Variants in GABRB1 observed in about 807,000 individuals in gnomAD.
The protein encoded by GABRB1 is gamma-aminobutyric acid receptor subunit beta-1.
In GABRB1, 17 loss-of-function variants were observed where a neutral mutation model predicts 51.6. The observed-to-expected ratio is 0.33, with a 90% confidence interval of 0.23 to 0.49. The LOEUF is 0.49. Ranked by LOEUF, GABRB1 falls within the 20% of genes least tolerant of loss-of-function variation. The pLI, the probability that GABRB1 is intolerant of heterozygous loss-of-function variation, is 0.99. For missense variants in GABRB1, 410 were observed against 600.6 expected (o/e 0.68, Z 3.32); for synonymous variants, 247 against 218.9 (o/e 1.13, Z -1.14).
chr4:47,146,726 G>T (rs1310900334), intron 3 of GABRB1, among the ~76,000 whole-genome samples: 5 of 152,014 alleles, frequency 3.3e-5, no homozygotes, highest in African/African-American at 7.2e-5. Context: ...AGACAGAAGA[G>T]CTCACTTTCT....
At chr4:46,994,909 T>G (rs574619084) in intron 1 of GABRB1, among the ~76,000 whole-genome samples, 2 of 152,278 alleles carry the variant, frequency 1.3e-5, no homozygotes, top group East Asian at 3.9e-4. Flanking sequence ...TTTGGTTTTT[T>G]TGTGTGTTTT....
intron 3 of GABRB1, among the ~76,000 whole-genome samples, chr4:47,072,208 T>C (rs1393203157): frequency 6.6e-6 from 1 of 152,208 alleles, no homozygotes; most frequent in African/African-American, 2.4e-5. Flanking sequence ...TCAAGATTAT[T>C]ATTACACTGC....
chr4:47,127,505 G>A (rs994610470), intron 3 of GABRB1, among the ~76,000 whole-genome samples: 27 of 151,572 alleles, frequency 1.8e-4, no homozygotes, highest in Admixed American at 7.2e-4. Flanking sequence ...TTTATTCACC[G>A]CCACCACCAT....
At chr4:47,122,007 G>T (rs1224741065) in intron 3 of GABRB1, among the ~76,000 whole-genome samples, 1 of 151,870 alleles carries the variant, frequency 6.6e-6, no homozygotes, top group Non-Finnish European at 1.5e-5. Context: ...CTATTTCCTA[G>T]TATTCTAATC....
chr4:47,403,784 A>G (rs1184407767), intron 7 of GABRB1, 73 bp downstream of exon 7: 3 of 1,470,722 alleles, frequency 2.0e-6, no homozygotes, highest in Non-Finnish European at 2.8e-6. Context: ...CAGGAATTAT[A>G]GGCAAGGGCT....
intron 4 of GABRB1, among the ~76,000 whole-genome samples, chr4:47,267,084 A>G (rs1722667076): frequency 6.6e-6 from 1 of 152,214 alleles, no homozygotes; most frequent in Non-Finnish European, 1.5e-5. Context: ...TACTATTAAA[A>G]TGAACAAACA....
intron 3 of GABRB1, among the ~76,000 whole-genome samples, chr4:47,089,211 G>A (rs1232953599): frequency 6.6e-6 from 1 of 152,140 alleles, no homozygotes; most frequent in Non-Finnish European, 1.5e-5. Context: ...TTTTGACTGA[G>A]GTGCTGAGGT....
At chr4:47,205,207 T>A (rs1013798429) in intron 4 of GABRB1, among the ~76,000 whole-genome samples, 8 of 152,154 alleles carry the variant, frequency 5.3e-5, no homozygotes, top group Admixed American at 1.3e-4. Context: ...ATGGACTGAT[T>A]CAAGACTCTT....
chr4:47,148,339 G>A (rs10805151), intron 3 of GABRB1, among the ~76,000 whole-genome samples: 130,690 of 151,918 alleles, frequency 0.86, 56,231 homozygotes, highest in African/African-American at 0.9. Flanking sequence ...TGTCAGCTTG[G>A]TGGTGCTGGG....
At chr4:47,096,272 T>C (rs557054578) in intron 3 of GABRB1, among the ~76,000 whole-genome samples, 29 of 152,270 alleles carry the variant, frequency 1.9e-4, no homozygotes, top group Admixed American at 1.0e-3. Flanking sequence ...TCCCACTGAT[T>C]ATATTGGAAA....
chr4:47,368,287 C>T (rs907037875), intron 5 of GABRB1, among the ~76,000 whole-genome samples: 9 of 152,206 alleles, frequency 5.9e-5, no homozygotes, highest in African/African-American at 1.4e-4. Context: ...GGCCACGTCC[C>T]TAGTTGGTAT....
chr4:47,227,161 G>T (rs1184240635), intron 4 of GABRB1, among the ~76,000 whole-genome samples: 1 of 152,022 alleles, frequency 6.6e-6, no homozygotes, highest in Admixed American at 6.6e-5. Context: ...GTTAAATCTG[G>T]CTCTGCAGCT....
intron 4 of GABRB1, among the ~76,000 whole-genome samples, chr4:47,254,004 TAAAAAG>T (rs1722085453): frequency 6.6e-6 from 1 of 152,116 alleles, no homozygotes; most frequent in Admixed American, 6.6e-5. Context: ...TGCTTAAAAA[TAAAAAG>T]ATTGTACTGA....
intron 3 of GABRB1, 28 bp from the exon 4 acceptor site, chr4:47,161,217 CTTTT>C: frequency 1.8e-6 from 2 of 1,135,960 alleles, no homozygotes; most frequent in Non-Finnish European, 1.2e-6. Flanking sequence ...TAGTAAAATT[CTTTT>C]TTTTTTTTTG....
chr4:47,367,801 C>T lies in GABRB1; in HGVS notation c.545-35517C>T, dbSNP rs1453623278. 2.0e-5 allele frequency among the ~76,000 whole-genome samples: 3 copies of T among 152,292 alleles called. No individual in the cohort carries two copies. The South Asian group carries it at 6.2e-4, about 32-fold the overall frequency. ...CTTGTTCTTCTCTTGTAGAACAGAG[C>T]CAAGGTAAGTAAATGGCTCTGCTCC... On this transcript the variant is annotated intron_variant, in intron 5 of 8. Transcript: ENST00000295454.
intron 3 of GABRB1, among the ~76,000 whole-genome samples, chr4:47,116,907 G>A (rs1715509190): frequency 6.6e-6 from 1 of 152,102 alleles, no homozygotes; most frequent in African/African-American, 2.4e-5. Context: ...GGTGGAGCAG[G>A]AGAGAGAGAA....
intron 5 of GABRB1, among the ~76,000 whole-genome samples, chr4:47,390,383 G>T (rs1244184856): frequency 2.0e-5 from 3 of 152,194 alleles, no homozygotes; most frequent in Admixed American, 1.3e-4. Context: ...ACACATTTAC[G>T]TACAAGACTA....
chr4:47,253,970 T>A (rs565011763), intron 4 of GABRB1, among the ~76,000 whole-genome samples: 1 of 152,316 alleles, frequency 6.6e-6, no homozygotes, highest in African/African-American at 2.4e-5. Flanking sequence ...TTTATTGAGA[T>A]TGGAGTAGAA....
intron 4 of GABRB1, among the ~76,000 whole-genome samples, chr4:47,244,408 A>G (rs992757152): frequency 2.6e-5 from 4 of 152,200 alleles, no homozygotes; most frequent in African/African-American, 9.7e-5. Context: ...ACAATGAGTT[A>G]GAGAGGATTC....
Sources: gnomAD v4.1 joint callset for allele counts (sites outside exome capture counted in the v4.1 genomes callset) on GRCh38, gnomAD v4.1.1 for gene constraint, MANE v1.5 for transcripts, NCBI Gene and HGNC (gene_info 2026-07-23, HGNC 2026-07-21) for gene names.